The following HOMER2 variants were observed in gnomAD, a reference collection of about 807,000 sequenced individuals.
The protein encoded by HOMER2 is homer scaffold protein 2.
A neutral mutation model predicts 47.0 loss-of-function variants in HOMER2; 27 were observed. That is an observed-to-expected ratio of 0.57 (90% CI 0.42 to 0.79). The LOEUF is 0.79. Ranked by LOEUF, HOMER2 falls within the 30% of genes least tolerant of loss-of-function variation. The probability of loss-of-function intolerance (pLI) is 0.00; values close to 1 mark genes in which losing one functional copy is unlikely to be tolerated. For synonymous variants in HOMER2, 161 were observed against 163.8 expected, an observed-to-expected ratio of 0.98 and a Z score of 0.13; for missense variants, 443 against 435.0, an observed-to-expected ratio of 1.02 and a Z score of -0.16.
At chr15:82,890,783 C>T (rs1040082489) in intron 2 of HOMER2, among the ~76,000 whole-genome samples, 5 of 152,206 alleles carry the variant, frequency 3.3e-5, no homozygotes, top group African/African-American at 1.2e-4. Context: ...CGAAGGATGG[C>T]AGATGAACTG....
At position 82,982,533 on chromosome 15, in the gene HOMER2, ACC is replaced by A. The variant is rs1464428994; in HGVS notation, n.82+3252_82+3253del. On this transcript the variant is annotated intron_variant and non_coding_transcript_variant, in intron 1 of 1. Transcript: ENST00000500334. ...CACACAAATTTACAGGAAAGAAAAT[ACC>A]AGTTGAGTATCCCTACTATGAAAAT... 1.1e-3 allele frequency among the ~76,000 whole-genome samples: 174 copies of A among 152,350 alleles called. 1 individual carries two copies. The highest frequency in any genetic ancestry group is 4.0e-3 in the African/African-American group (166 of 41,590).
At chr15:82,979,300 C>T (rs905369597) in intron 1 of HOMER2, among the ~76,000 whole-genome samples, 10 of 152,244 alleles carry the variant, frequency 6.6e-5, no homozygotes, top group Admixed American at 5.9e-4. Flanking sequence ...AGTTGAATCT[C>T]GATCAGCTGC....
chr15:82,892,890 A>T (rs766433127), intron 1 of HOMER2, 49 bp from the exon 2 acceptor site: 1 of 1,387,312 alleles, frequency 7.2e-7, no homozygotes, highest in Non-Finnish European at 9.6e-7. Context: ...GACTTAATGT[A>T]TAATTTATGA....
downstream of HOMER2, chr15:82,847,002 G>C (rs1022900295): frequency 4.6e-5 from 7 of 152,156 alleles, no homozygotes; most frequent in African/African-American, 1.7e-4. Flanking sequence ...AGCTTATCAA[G>C]GTATAGCAGC....
Position 82,962,458 on chromosome 15 carries a change from C to A in HOMER2, n.83-3150G>T, listed in dbSNP as rs568637213. On this transcript the variant is annotated intron_variant and non_coding_transcript_variant, in intron 1 of 1. Coordinates refer to the HOMER2 transcript ENST00000500334. ...GTGGGAGGCTGACGCAGGCAGATCA[C>A]CTGAAGTCAGGACTTTGAGACCAGC... Among the ~76,000 whole-genome samples, 4 of 151,918 alleles carry A rather than the reference C, an allele frequency of 2.6e-5. No individual in the cohort carries two copies. The South Asian group carries it at 8.3e-4, about 32-fold the overall frequency.
rs369377922 is a variant in HOMER2 at position 82,892,701 on chromosome 15, C to T, written c.146G>A (p.Ser49Asn). Residue 49 changes from serine to asparagine, a missense_variant, in exon 2 of 9, where the codon AGT becomes AAT. Physicochemically the swap from Ser to Asn is conservative, Grantham distance 46. Transcript: ENST00000450735. Reference protein sequence around the residue: ...DVTRNSYRIISVDGAKVIINS... With the variant: ...DVTRNSYRIINVDGAKVIINS... The stretch of plus-strand genomic sequence containing the variant: ...GGGTGGTACCTTGGCTCCGTCCACA[C>T]TGATGATCCGATAGCTGTTCCTTGT... The T allele has an allele frequency of 6.3e-7, 1 of 1,587,692 alleles. No individual in the cohort carries two copies. Among genetic ancestry groups the T allele is most frequent in the Non-Finnish European group, 8.6e-7 (1 of 1,161,124 alleles).
At chr15:82,898,491 G>C (rs2053009632) in intron 1 of HOMER2, 1 of 152,196 alleles carries the variant, frequency 6.6e-6, no homozygotes, top group Non-Finnish European at 1.5e-5. Context: ...ATAGAAAGCA[G>C]ATGTTTCCGG....
chr15:82,889,581 A>G (rs1460656884), intron 2 of HOMER2, among the ~76,000 whole-genome samples: 3 of 152,214 alleles, frequency 2.0e-5, no homozygotes, highest in African/African-American at 7.2e-5. Flanking sequence ...GTCTGCAGAC[A>G]GCAGGCGATC....
At chr15:82,916,187 C>T (rs1241126110) in intron 1 of HOMER2, among the ~76,000 whole-genome samples, 1 of 152,098 alleles carries the variant, frequency 6.6e-6, no homozygotes, top group African/African-American at 2.4e-5. Context: ...TCCAGAATTC[C>T]AAAAATATTC....
At chr15:82,922,675 A>C (rs1278203181) in intron 1 of HOMER2, among the ~76,000 whole-genome samples, 1 of 151,928 alleles carries the variant, frequency 6.6e-6, no homozygotes, top group Admixed American at 6.6e-5. Flanking sequence ...GGCCAACTGC[A>C]CTCCATTCAA....
At chr15:82,955,709 A>G (rs2054581389), upstream of HOMER2, among the ~76,000 whole-genome samples, 2 of 152,220 alleles carry the variant, frequency 1.3e-5, no homozygotes, top group African/African-American at 4.8e-5. Context: ...CTATATAGTA[A>G]CATAGAAATA....
intron 1 of HOMER2, among the ~76,000 whole-genome samples, chr15:82,940,571 A>G (rs542557630): frequency 1.4e-4 from 22 of 152,224 alleles, no homozygotes; most frequent in East Asian, 9.7e-4. Context: ...GTGAAACCCC[A>G]TCTCTACTAA....
intron 2 of HOMER2, among the ~76,000 whole-genome samples, chr15:82,880,960 T>C (rs77652984): frequency 0.041 from 6,249 of 152,216 alleles, 186 homozygotes; most frequent in Middle Eastern, 0.068. Flanking sequence ...CACAGCTGAG[T>C]GCCCTCAATG....
chr15:82,951,888 G>A (rs2054513252), intron 1 of HOMER2: 1 of 202,726 alleles, frequency 4.9e-6, no homozygotes. Flanking sequence ...CTACTGCTCA[G>A]AGAGACGCCG....
chr15:82,925,403 C>G (rs1224614021), intron 1 of HOMER2, among the ~76,000 whole-genome samples: 1 of 152,216 alleles, frequency 6.6e-6, no homozygotes, highest in Non-Finnish European at 1.5e-5. Context: ...TAGCCACCAG[C>G]TACCACAACA....
intron 1 of HOMER2, among the ~76,000 whole-genome samples, chr15:82,943,175 T>A (rs977936089): frequency 1.3e-5 from 2 of 152,226 alleles, no homozygotes; most frequent in Admixed American, 1.3e-4. Context: ...AAATGCTCTA[T>A]ACACATTTTC....
At chr15:82,893,092 T>A (rs2052772105) in intron 1 of HOMER2, among the ~76,000 whole-genome samples, 1 of 152,150 alleles carries the variant, frequency 6.6e-6, no homozygotes, top group Non-Finnish European at 1.5e-5. Context: ...ACAATTTGCT[T>A]AAAAGGCAAC....
At chr15:82,847,860 G>T (rs2051274569), downstream of HOMER2, among the ~76,000 whole-genome samples, 1 of 152,148 alleles carries the variant, frequency 6.6e-6, no homozygotes. Context: ...CTCATAGCCA[G>T]CTCGGCTCTC....
chr15:82,983,702 G>A (rs1003313128), intron 1 of HOMER2, among the ~76,000 whole-genome samples: 1 of 151,580 alleles, frequency 6.6e-6, no homozygotes, highest in Non-Finnish European at 1.5e-5. Context: ...AATCCTCCCT[G>A]CCTCAGCTTC....
Sources: gnomAD v4.1 joint callset for allele counts (sites outside exome capture counted in the v4.1 genomes callset) on GRCh38, gnomAD v4.1.1 for gene constraint, MANE v1.5 for transcripts, NCBI Gene and HGNC (gene_info 2026-07-23, HGNC 2026-07-21) for gene names.